The following PTPRO variants were observed in gnomAD, a reference collection of about 807,000 sequenced individuals.
PTPRO encodes receptor-type tyrosine-protein phosphatase O.
In PTPRO, 62 loss-of-function variants were observed where a neutral mutation model predicts 145.2. That is an observed-to-expected ratio of 0.43 (90% CI 0.35 to 0.53). The LOEUF (loss-of-function observed/expected upper bound fraction) is 0.53, where lower values mean the gene tolerates loss of function less well. Ranked by LOEUF, PTPRO falls within the 20% of genes least tolerant of loss-of-function variation. The probability of loss-of-function intolerance (pLI) is 0.01; values close to 1 mark genes in which losing one functional copy is unlikely to be tolerated. For synonymous variants in PTPRO, 565 were observed against 514.7 expected (o/e 1.10, Z -1.32); for missense variants, 1,345 against 1,482.7 (o/e 0.91, Z 1.53).
At chr12:15,460,729 A>G (rs1224035131) in intron 1 of PTPRO, among the ~76,000 whole-genome samples, 2 of 152,228 alleles carry the variant, frequency 1.3e-5, no homozygotes, top group Non-Finnish European at 1.5e-5. Flanking sequence ...ACTGGGTTCA[A>G]TAAGACCTAC....
intron 1 of PTPRO, among the ~76,000 whole-genome samples, chr12:15,379,085 G>T (rs1190326333): frequency 1.3e-5 from 2 of 151,986 alleles, no homozygotes; most frequent in African/African-American, 4.8e-5. Flanking sequence ...CTGGTGAGAA[G>T]GTAAAATAGT....
At chr12:15,553,220 G>A (rs1043167466) in intron 15 of PTPRO, among the ~76,000 whole-genome samples, 3 of 152,138 alleles carry the variant, frequency 2.0e-5, no homozygotes, top group Non-Finnish European at 4.4e-5. Flanking sequence ...ACAAAAATAT[G>A]TGCCTTCATG....
chr12:15,430,902 G>C (rs1940417856), intron 1 of PTPRO, among the ~76,000 whole-genome samples: 1 of 152,146 alleles, frequency 6.6e-6, no homozygotes, highest in Admixed American at 6.6e-5. Context: ...GCACTCTGAA[G>C]CTGAATTCAG....
At chr12:15,377,545 A>G (rs1024467097) in intron 1 of PTPRO, among the ~76,000 whole-genome samples, 5 of 152,066 alleles carry the variant, frequency 3.3e-5, no homozygotes, top group African/African-American at 1.2e-4. Flanking sequence ...TTTAAAAATT[A>G]TAGTTGGAGA....
At chr12:15,465,253 G>A (rs1188870485) in intron 1 of PTPRO, among the ~76,000 whole-genome samples, 1 of 152,126 alleles carries the variant, frequency 6.6e-6, no homozygotes, top group East Asian at 1.9e-4. Flanking sequence ...ATTCAAAATA[G>A]CATCAGTGCT....
At chr12:15,457,333 C>T (rs1337452241) in intron 1 of PTPRO, among the ~76,000 whole-genome samples, 2 of 152,188 alleles carry the variant, frequency 1.3e-5, no homozygotes, top group Non-Finnish European at 2.9e-5. Flanking sequence ...ACAATTCTCC[C>T]TAATAAACTC....
At chr12:15,439,547 AGCGAGGGGGCCCGGAG>A in intron 1 of PTPRO, 2 of 249,300 alleles carry the variant, frequency 8.0e-6, no homozygotes, top group East Asian at 1.1e-4. Context: ...ACGCTGGTGG[AGCGAGGGGGCCCGGAG>A]GACTCGGGGG....
At chr12:15,330,660 C>T (rs1866582309) in intron 1 of PTPRO, among the ~76,000 whole-genome samples, 1 of 152,192 alleles carries the variant, frequency 6.6e-6, no homozygotes, top group Admixed American at 6.5e-5. Flanking sequence ...TAGGCAGTGG[C>T]TTCATTCTCT....
intron 1 of PTPRO, among the ~76,000 whole-genome samples, chr12:15,354,268 T>C (rs1186769609): frequency 6.6e-6 from 1 of 152,228 alleles, no homozygotes; most frequent in African/African-American, 2.4e-5. Flanking sequence ...ATTGTCCCCA[T>C]AAACTTTTTA....
chr12:15,511,003 C>CAAAAAAAAAAAA (rs10648692), intron 7 of PTPRO, among the ~76,000 whole-genome samples: 1 of 105,650 alleles, frequency 9.5e-6, no homozygotes, highest in Non-Finnish European at 1.9e-5. Context: ...TCTGTCTCCA[C>CAAAAAAAAAAAA]AAAAAAAAAA....
intron 19 of PTPRO, among the ~76,000 whole-genome samples, chr12:15,578,377 C>T (rs1007218961): frequency 3.9e-5 from 6 of 152,138 alleles, no homozygotes. Flanking sequence ...TCCAAATGAC[C>T]ACTAAGTTAT....
intron 7 of PTPRO, among the ~76,000 whole-genome samples, chr12:15,509,385 AAAACTT>A (rs1942389148): frequency 6.6e-6 from 1 of 151,966 alleles, no homozygotes; most frequent in African/African-American, 2.4e-5. Context: ...AAAAAAAAAA[AAAACTT>A]AAAAATGTAA....
intron 19 of PTPRO, among the ~76,000 whole-genome samples, chr12:15,578,644 G>T (rs759344909): frequency 1.3e-5 from 2 of 152,158 alleles, no homozygotes; most frequent in Non-Finnish European, 2.9e-5. Context: ...AAACAAGCAA[G>T]TGCATTGAAA....
intron 10 of PTPRO, 118 bp from the exon 11 acceptor site, chr12:15,524,696 T>A: frequency 9.2e-7 from 1 of 1,087,412 alleles, no homozygotes. Flanking sequence ...ACCGGGACTA[T>A]CGTGTGCTGT....
chr12:15,523,187 C>T lies in PTPRO; in HGVS notation c.1892-1627C>T, dbSNP rs539053730. Among the ~76,000 whole-genome samples, 4 of 152,282 alleles carry T rather than the reference C, an allele frequency of 2.6e-5. No individual in the cohort carries two copies. The South Asian group carries it at 8.3e-4, about 32-fold the overall frequency. On this transcript the variant is annotated intron_variant, in intron 10 of 26. Coordinates refer to ENST00000281171, the MANE Select transcript of PTPRO (RefSeq NM_030667.3). ...ATTCTTCAGTGAATAATTTTGAAAG[C>T]ATAGCTAGTTATGAATGTTTGTTGT...
At chr12:15,324,088 T>C (rs1484133853) in intron 1 of PTPRO, among the ~76,000 whole-genome samples, 1 of 152,200 alleles carries the variant, frequency 6.6e-6, no homozygotes, top group East Asian at 1.9e-4. Flanking sequence ...GTTTTTACTG[T>C]AGGAGGTTGT....
At chr12:15,590,741 A>T (rs1376897646) in intron 25 of PTPRO, among the ~76,000 whole-genome samples, 1 of 152,192 alleles carries the variant, frequency 6.6e-6, no homozygotes, top group Non-Finnish European at 1.5e-5. Flanking sequence ...CCTCTCATTG[A>T]TAATTAGGAA....
intron 1 of PTPRO, among the ~76,000 whole-genome samples, chr12:15,463,474 G>T (rs879150883): frequency 2.4e-4 from 37 of 152,104 alleles, no homozygotes; most frequent in African/African-American, 7.9e-4. Flanking sequence ...AGTCATAGAA[G>T]AAAAAATGAA....
At chr12:15,403,888 T>C (rs1939571430) in intron 1 of PTPRO, among the ~76,000 whole-genome samples, 1 of 152,014 alleles carries the variant, frequency 6.6e-6, no homozygotes, top group African/African-American at 2.4e-5. Context: ...TTATTTATTT[T>C]ATACCAATTC....
Sources: allele counts gnomAD v4.1 joint callset (sites outside exome capture counted in the v4.1 genomes callset), GRCh38; gene constraint gnomAD v4.1.1; transcripts MANE v1.5; gene names NCBI Gene and HGNC (gene_info 2026-07-23, HGNC 2026-07-21).